The following SPEG variants were observed in gnomAD, a reference collection of about 807,000 sequenced individuals.
SPEG encodes the protein striated muscle enriched protein kinase.
Under a neutral mutation model 300.4 loss-of-function variants are expected in SPEG, and 114 were observed. That is an observed-to-expected ratio of 0.38 (90% CI 0.33 to 0.44). The LOEUF is 0.44. Among genes scored for constraint, SPEG ranks in the 20% least tolerant of loss-of-function variants. The probability of loss-of-function intolerance (pLI) is 1.00; values close to 1 mark genes in which losing one functional copy is unlikely to be tolerated. For missense variants in SPEG, 4,201 were observed against 4,586.2 expected (o/e 0.92, Z 2.43); for synonymous variants, 1,964 against 2,018.9 (o/e 0.97, Z 0.73).
Position 219,489,379 on chromosome 2 carries a change from C to T in SPEG, c.8361C>T (p.Val2787=). The change falls in exon 36 of 41, where the codon GTC becomes GTT. Residue 2787 remains valine (V), a synonymous_variant. Transcript: ENST00000312358. ...CTGCTGCCCACCAAGAGGCCCCTGT[C>T]ACCTCAAGGCCAGCCAGGGCCCGGC... ...VPSAAHQEAP[V]TSRPARARPP... 1.2e-6 allele frequency: 2 copies of T among 1,613,640 alleles called. No homozygotes were observed. Among genetic ancestry groups the T allele is most frequent in the Non-Finnish European group, 8.5e-7 (1 of 1,179,848 alleles).
Position 219,477,639 on chromosome 2 carries a change from C to T in SPEG, c.4730-50C>T, listed in dbSNP as rs377474080. 1 of 1,483,718 alleles carries T rather than the reference C, an allele frequency of 6.7e-7. No individual in the cohort carries two copies. The highest frequency in any genetic ancestry group is 9.1e-7 in the Non-Finnish European group (1 of 1,094,806). The allele number at this position is 1,483,718 out of a possible 1,614,324, so 91.9% of individuals were successfully genotyped here. ...CTGTCCACCTGTCCCAGTCTCTGGC[C>T]TGCTTGCTTTCTTCCCCTCCCACCT... On this transcript the variant is annotated intron_variant, in intron 20 of 40. Coordinates refer to ENST00000312358, the MANE Select transcript of SPEG (RefSeq NM_005876.5). This position sits in a 1 kb window ranked among gnomAD's most constrained non-coding sequence, Gnocchi z 6.4.
chr2:219,453,560 T>C (rs1360398566), intron 6 of SPEG, among the ~76,000 whole-genome samples: 1 of 152,182 alleles, frequency 6.6e-6, no homozygotes, highest in Non-Finnish European at 1.5e-5. Flanking sequence ...GGAAGGCCCA[T>C]ATCCTGCAGA....
Position 219,481,185 on chromosome 2 carries a change from G to T in SPEG, c.5370-119G>T. The T allele has an allele frequency of 1.8e-6, 2 of 1,111,162 alleles. No individual in the cohort carries two copies. The highest frequency in any genetic ancestry group is 2.6e-6 in the Non-Finnish European group (2 of 759,628). 68.8% of individuals were successfully genotyped at this position (1,111,162 alleles called of 1,614,324 possible). A position where few individuals can be genotyped will look rare whatever the true frequency, so the allele number is the denominator to read the frequency against. ...GCAGCCTCACCTCTTACCCACATTT[G>T]CCCAGCCTCTGTCATCCTCACAACC... On this transcript the variant is annotated intron_variant, in intron 26 of 40. Coordinates refer to ENST00000312358, the MANE Select transcript of SPEG (RefSeq NM_005876.5). This position sits in a 1 kb window ranked among gnomAD's most constrained non-coding sequence, Gnocchi z 5.4.
Position 219,493,124 on chromosome 2 carries a change from G to A in SPEG, c.*338G>A. On this transcript the variant is annotated 3_prime_UTR_variant, in exon 41 of 41. Transcript: ENST00000312358. ...TAGGAAGGTTCTGGGTTGGGGGTCAGTGCATCTCAGGGAGAACCAAGGAAG... is the reference window on the plus strand; with the variant it reads ...TAGGAAGGTTCTGGGTTGGGGGTCAATGCATCTCAGGGAGAACCAAGGAAG... The A allele has an allele frequency of 3.8e-6, 2 of 533,326 alleles. No individual in the cohort carries two copies. The highest frequency in any genetic ancestry group is 3.4e-5 in the South Asian group (2 of 58,640). 33.0% of individuals were successfully genotyped at this position (533,326 alleles called of 1,614,324 possible).
In SPEG at chr2:219,451,207, C is replaced by A; in HGVS notation, c.2185C>A (p.Gln729Lys). ...LEAPVFEIPL[Q>K]NVVVAPGADV... The stretch of plus-strand genomic sequence containing the variant: ...GGCCCCTGTGTTTGAGATCCCCCTG[C>A]AGAATGTGGTGGTGGCACCAGGGGC... The change falls in exon 5 of 41, where the codon CAG becomes AAG. Residue 729 changes from glutamine to lysine, a missense_variant. This residue lies in a region of SPEG where 1,258 missense variants were observed against 1,293.9 expected (regional missense o/e 0.97). Coordinates refer to ENST00000312358, the MANE Select transcript of SPEG (RefSeq NM_005876.5). The surrounding 1 kb of genome is among the most constrained non-coding windows in gnomAD (Gnocchi z 6.4). The A allele has an allele frequency of 6.2e-7, 1 of 1,613,916 alleles. No individual in the cohort carries two copies. The highest frequency in any genetic ancestry group is 8.5e-7 in the Non-Finnish European group (1 of 1,179,990).
At chr2:219,465,856 T>C (rs1691237195) in intron 9 of SPEG, 5 of 617,464 alleles carry the variant, frequency 8.1e-6, no homozygotes, top group Admixed American at 7.4e-5. Context: ...TGCATGTGTG[T>C]GCATGTGTGT....
Position 219,473,668 on chromosome 2 carries a change from A to C in SPEG, c.4271+41A>C. The C allele has an allele frequency of 6.2e-7, 1 of 1,613,814 alleles. No homozygotes were observed. The highest frequency in any genetic ancestry group is 8.5e-7 in the Non-Finnish European group (1 of 1,179,802). On this transcript the variant is annotated intron_variant, in intron 17 of 40. Transcript: ENST00000312358. This position sits in a 1 kb window ranked among gnomAD's most constrained non-coding sequence, Gnocchi z 4.6. ...ACATGTGGCAGCCCAGGTCTGGCCC[A>C]GCCTGGCCGGAATGCCCTGGGGCAA...
chr2:219,465,839 A>G (rs1463261416), intron 9 of SPEG: 15 of 586,356 alleles, frequency 2.6e-5, no homozygotes, highest in African/African-American at 5.7e-5. Context: ...GCGTGCGTGT[A>G]TGTGCATGCA....
chr2:219,477,534 T>C lies in SPEG; in HGVS notation c.4729+89T>C. On this transcript the variant is annotated intron_variant, in intron 20 of 40. Transcript: ENST00000312358. This position sits in a 1 kb window ranked among gnomAD's most constrained non-coding sequence, Gnocchi z 6.4. ...GCTCTGCCCAGGAAGCAGCCAGCCC[T>C]GGACTCGAGCCACCACACCCCCAGC... is the stretch of plus-strand genomic sequence containing the variant. The C allele has an allele frequency of 6.9e-7, 1 of 1,446,662 alleles. No individual in the cohort carries two copies. Among genetic ancestry groups the C allele is most frequent in the African/African-American group, 1.4e-5 (1 of 70,446 alleles). 89.6% of individuals were successfully genotyped at this position (1,446,662 alleles called of 1,614,324 possible).
intron 9 of SPEG, chr2:219,465,900 G>T (rs904560228): frequency 1.4e-5 from 9 of 658,002 alleles, no homozygotes; most frequent in Admixed American, 2.3e-5. Context: ...TGTGCGTATG[G>T]GTGTGTGCAT....
intron 7 of SPEG, 84 bp from the exon 8 acceptor site, chr2:219,462,214 G>T: frequency 7.8e-7 from 1 of 1,282,406 alleles, no homozygotes; most frequent in African/African-American, 1.5e-5. Context: ...GGCTGTGGAA[G>T]AGTCCTCCGT....
chr2:219,442,306 G>C (rs2125224275), intron 1 of SPEG, among the ~76,000 whole-genome samples: 1 of 151,812 alleles, frequency 6.6e-6, no homozygotes, highest in South Asian at 2.1e-4. Flanking sequence ...CAGATCCCCC[G>C]CTCCCCGATC....
chr2:219,438,956 C>CT (rs968919864), intron 1 of SPEG, among the ~76,000 whole-genome samples: 2 of 152,164 alleles, frequency 1.3e-5, no homozygotes, highest in Non-Finnish European at 2.9e-5. Flanking sequence ...GAATGTCTGG[C>CT]TAGAGAAGCC....
rs758663827 is a variant in SPEG at position 219,480,269 on chromosome 2, G to T, written c.5342+129G>T. On this transcript the variant is annotated intron_variant, in intron 25 of 40. Coordinates refer to ENST00000312358, the MANE Select transcript of SPEG (RefSeq NM_005876.5). This position sits in a 1 kb window ranked among gnomAD's most constrained non-coding sequence, Gnocchi z 5.3. Reference sequence around the variant, plus strand: ...TGAAGGTGGGCTGGAGGCATTGTTTGCAGGGTCTCCTGCCCATGTTACTCC... The same window carrying T: ...TGAAGGTGGGCTGGAGGCATTGTTTTCAGGGTCTCCTGCCCATGTTACTCC... 1.1e-5 allele frequency: 11 copies of T among 1,007,546 alleles called. No individual in the cohort carries two copies. Among genetic ancestry groups the T allele is most frequent in the African/African-American group, 3.2e-5 (2 of 62,242 alleles). The allele number at this position is 1,007,546 out of a possible 1,614,324, so 62.4% of individuals were successfully genotyped here. A position where few individuals can be genotyped will look rare whatever the true frequency, so the allele number is the denominator to read the frequency against.
intron 30 of SPEG, 29 bp downstream of exon 30, chr2:219,485,101 G>A (rs751525717): frequency 6.5e-7 from 1 of 1,527,100 alleles, no homozygotes; most frequent in South Asian, 1.2e-5. Flanking sequence ...AGGGCAGCAG[G>A]TGCAGAGGAG....
At position 219,477,752 on chromosome 2, in the gene SPEG, G is replaced by A; in HGVS notation, c.4793G>A (p.Ser1598Asn). 2 of 1,609,968 alleles carry A rather than the reference G, an allele frequency of 1.2e-6. No homozygotes were observed. The highest frequency in any genetic ancestry group is 8.5e-7 in the Non-Finnish European group (1 of 1,177,340). ...EDEDHRGRRLSDFYDIHQEIG... is the reference protein window; with the variant it reads ...EDEDHRGRRLNDFYDIHQEIG... ...GAGGACCATCGAGGAAGGAGACTCA[G>A]CGACTTTTATGACATCCACCAGGAG... Residue 1598 changes from serine (S) to asparagine (N), a missense_variant, in exon 21 of 41, where the codon AGC becomes AAC. Around this residue, in one of 4 missense-constraint regions of SPEG, gnomAD observed 1,047 missense variants for 1,356.8 expected, o/e 0.77. Transcript: ENST00000312358. The surrounding 1 kb of genome is among the most constrained non-coding windows in gnomAD (Gnocchi z 6.4).
intron 4 of SPEG, chr2:219,450,799 G>T: frequency 5.3e-6 from 1 of 187,684 alleles, no homozygotes; most frequent in East Asian, 1.3e-4. Context: ...CATGGGGCCT[G>T]GTACGCCATA....
At chr2:219,488,131 T>G (rs926893134) in intron 31 of SPEG, 63 bp from the exon 32 acceptor site, 5 of 1,066,042 alleles carry the variant, frequency 4.7e-6, no homozygotes, top group Non-Finnish European at 7.0e-6. Flanking sequence ...TCTCCACCCC[T>G]CCCTCAGCAG....
intron 38 of SPEG, 47 bp from the exon 39 acceptor site, chr2:219,491,746 TC>T (rs757575518): frequency 1.7e-5 from 27 of 1,548,124 alleles, no homozygotes; most frequent in Non-Finnish European, 2.2e-5. Flanking sequence ...CGCCCCCACT[TC>T]CCTGCCACCA....
Sources: allele counts gnomAD v4.1 joint callset (sites outside exome capture counted in the v4.1 genomes callset), GRCh38; gene constraint gnomAD v4.1.1; regional missense constraint gnomAD v4.1.1; non-coding constraint Gnocchi (gnomAD v3.1); transcripts MANE v1.5; gene names NCBI Gene and HGNC (gene_info 2026-07-23, HGNC 2026-07-21).